The following CACNA1C variants were observed in gnomAD, a reference collection of about 807,000 sequenced individuals.
CACNA1C encodes calcium voltage-gated channel subunit alpha1 C, also known as voltage-dependent L-type calcium channel subunit alpha-1C.
A neutral mutation model predicts 229.0 loss-of-function variants in CACNA1C; 30 were observed. The ratio of observed to expected loss-of-function variants is 0.13; its 90% CI spans 0.10 to 0.18. CACNA1C has a LOEUF of 0.18. Ranked by LOEUF, CACNA1C falls within the 10% of genes least tolerant of loss-of-function variation. The pLI is 1.00. For synonymous variants in CACNA1C, 1,114 were observed against 1,132.5 expected, an observed-to-expected ratio of 0.98 and a Z score of 0.33; for missense variants, 1,658 against 2,845.0, an observed-to-expected ratio of 0.58 and a Z score of 9.49.
At chr12:2,556,596 G>A (rs1453718281) in intron 10 of CACNA1C, among the ~76,000 whole-genome samples, 2 of 152,162 alleles carry the variant, frequency 1.3e-5, no homozygotes, top group African/African-American at 2.4e-5. Flanking sequence ...TGCTGTTGGG[G>A]TCCTCTTGTC....
chr12:2,477,497 A>G (rs2154569040), intron 5 of CACNA1C, among the ~76,000 whole-genome samples: 1 of 152,144 alleles, frequency 6.6e-6, no homozygotes, highest in East Asian at 1.9e-4. Context: ...CAGTTGCGCT[A>G]CCACATCTGC....
chr12:2,135,294 T>C (rs1596829412), intron 3 of CACNA1C, among the ~76,000 whole-genome samples: 1 of 146,604 alleles, frequency 6.8e-6, no homozygotes, highest in East Asian at 2.0e-4. Flanking sequence ...TCTGAAGCCT[T>C]CTTCTCTCAG....
chr12:2,586,061 C>G (rs1158415406), intron 18 of CACNA1C, among the ~76,000 whole-genome samples, 157 bp downstream of exon 18: 2 of 152,166 alleles, frequency 1.3e-5, no homozygotes, highest in African/African-American at 4.8e-5. Context: ...TATATTTAAG[C>G]ATCATCAGTC....
chr12:2,109,013 T>C (rs2080441453), intron 1 of CACNA1C, among the ~76,000 whole-genome samples: 1 of 152,134 alleles, frequency 6.6e-6, no homozygotes. Flanking sequence ...TGCTCAGTGG[T>C]CAGGACTTTA....
chr12:2,329,197 C>T (rs1216493552), intron 3 of CACNA1C, among the ~76,000 whole-genome samples: 6 of 152,214 alleles, frequency 3.9e-5, no homozygotes, highest in Non-Finnish European at 7.3e-5. Context: ...GACTGCATTT[C>T]AGTCTCCACC....
chr12:1,982,227 A>C (rs901344361), intron 1 of CACNA1C, among the ~76,000 whole-genome samples: 2 of 152,170 alleles, frequency 1.3e-5, no homozygotes, highest in African/African-American at 4.8e-5. Flanking sequence ...GTGTTAAAAT[A>C]TTAAAAACAT....
At chr12:2,329,860 G>T (rs997156091) in intron 3 of CACNA1C, among the ~76,000 whole-genome samples, 1 of 152,208 alleles carries the variant, frequency 6.6e-6, no homozygotes, top group Non-Finnish European at 1.5e-5. Context: ...CTGCAGAATG[G>T]CAGCCACTTC....
intron 2 of CACNA1C, among the ~76,000 whole-genome samples, chr12:2,116,691 G>A (rs1166002750): frequency 1.3e-5 from 2 of 152,096 alleles, no homozygotes; most frequent in African/African-American, 4.8e-5. Context: ...TTTAAGTGCT[G>A]AAGTTCCTCC....
intron 3 of CACNA1C, among the ~76,000 whole-genome samples, chr12:2,415,586 GA>G (rs1482972167): frequency 3.3e-5 from 5 of 152,170 alleles, no homozygotes; most frequent in Admixed American, 2.6e-4. Flanking sequence ...TGAAAACAGT[GA>G]CACACTCTGT....
chr12:2,541,172 C>T (rs1353906316), intron 9 of CACNA1C, among the ~76,000 whole-genome samples: 1 of 152,124 alleles, frequency 6.6e-6, no homozygotes, highest in Non-Finnish European at 1.5e-5. Context: ...TGTCTCCAAA[C>T]ATGGCTACGC....
intron 1 of CACNA1C, among the ~76,000 whole-genome samples, chr12:2,111,381 C>T (rs2081669675): frequency 6.6e-6 from 1 of 152,180 alleles, no homozygotes; most frequent in Admixed American, 6.5e-5. Context: ...GGGATGCTCC[C>T]CTCACGCAGC....
chr12:2,035,937 G>T (rs7956039), intron 1 of CACNA1C, among the ~76,000 whole-genome samples: 7,688 of 152,256 alleles, frequency 0.05, 269 homozygotes, highest in Middle Eastern at 0.078. Context: ...GAGGGTAGAC[G>T]CTGTGGCTCT....
chr12:2,602,698 C>T lies in CACNA1C; in HGVS notation c.2960+738C>T, dbSNP rs2153412687. Among the ~76,000 whole-genome samples, 1 of 149,274 alleles carries T rather than the reference C, an allele frequency of 6.7e-6. No individual in the cohort carries two copies. The highest frequency in any genetic ancestry group is 2.1e-4 in the South Asian group (1 of 4,746). On this transcript the variant is annotated intron_variant, in intron 22 of 46. Coordinates refer to ENST00000399655, the MANE Select transcript of CACNA1C (RefSeq NM_000719.7). The surrounding 1 kb of genome is among the most constrained non-coding windows in gnomAD (Gnocchi z 4.4). ...TTTTTCATTTCACTGGTCTGGGGTA[C>T]AGTCTGGGTGTGAGTTCTAAGAGCT...
At chr12:2,567,909 C>T (rs1218150509) in intron 13 of CACNA1C, 115 bp downstream of exon 13, 10 of 618,700 alleles carry the variant, frequency 1.6e-5, no homozygotes, top group Admixed American at 2.9e-5. Context: ...CAAAGGGTGT[C>T]TCTGAAGTTC....
intron 7 of CACNA1C, among the ~76,000 whole-genome samples, chr12:2,502,799 C>A (rs1345271617): frequency 6.6e-6 from 1 of 152,132 alleles, no homozygotes; most frequent in Non-Finnish European, 1.5e-5. Flanking sequence ...GCTGCAAAGC[C>A]CAAGGGCTGA....
chr12:2,306,560 C>G (rs2095041313), intron 3 of CACNA1C, among the ~76,000 whole-genome samples: 1 of 152,132 alleles, frequency 6.6e-6, no homozygotes, highest in Non-Finnish European at 1.5e-5. Context: ...TCTGCCTGTC[C>G]CGTCTTGCCC....
At chr12:2,330,956 A>T (rs2096527277) in intron 3 of CACNA1C, among the ~76,000 whole-genome samples, 1 of 152,196 alleles carries the variant, frequency 6.6e-6, no homozygotes, top group South Asian at 2.1e-4. Context: ...AAAATTGGGG[A>T]TAGTTACAAC....
intron 3 of CACNA1C, among the ~76,000 whole-genome samples, chr12:2,256,173 C>T (rs1412333329): frequency 6.6e-6 from 1 of 151,412 alleles, no homozygotes; most frequent in Non-Finnish European, 1.5e-5. Flanking sequence ...GTGCCTTACA[C>T]TGGAGCTACT....
At chr12:2,501,209 CAAA>C (rs59324696) in intron 7 of CACNA1C, among the ~76,000 whole-genome samples, 340 of 31,312 alleles carry the variant, frequency 0.011, 1 homozygote, top group African/African-American at 0.042. Flanking sequence ...GACTCCACCT[CAAA>C]AAAAAAAAAA....
Sources: gnomAD v4.1 joint callset for allele counts (sites outside exome capture counted in the v4.1 genomes callset) on GRCh38, gnomAD v4.1.1 for gene constraint, Gnocchi (gnomAD v3.1) non-coding constraint, MANE v1.5 for transcripts, NCBI Gene and HGNC (gene_info 2026-07-23, HGNC 2026-07-21) for gene names.